UBE2E1: variants seen among roughly 807,000 people sequenced by gnomAD.
UBE2E1 encodes ubiquitin-conjugating enzyme E2 E1.
Under a neutral mutation model 21.4 loss-of-function variants are expected in UBE2E1, and 6 were observed. The observed-to-expected ratio is 0.28, with a 90% CI of 0.15 to 0.55. UBE2E1 has a LOEUF of 0.55. Ranked by LOEUF, UBE2E1 falls within the 20% of genes least tolerant of loss-of-function variation. The pLI, the probability that UBE2E1 is intolerant of heterozygous loss-of-function variation, is 0.93. For synonymous variants in UBE2E1, 87 were observed against 82.7 expected (o/e 1.05, Z -0.28); for missense variants, 142 against 236.5 (o/e 0.60, Z 2.62).
At chr3:23,864,228 C>T (rs1479705869) in intron 3 of UBE2E1, among the ~76,000 whole-genome samples, 1 of 152,118 alleles carries the variant, frequency 6.6e-6, no homozygotes, top group Non-Finnish European at 1.5e-5. Flanking sequence ...CTGAAGCCCG[C>T]TGATTTGGGG....
At position 23,835,869 on chromosome 3, in the gene UBE2E1, G is replaced by A. The variant is rs548072171; in HGVS notation, c.203+24359G>A. Reference sequence around the variant, plus strand: ...ACATAAATAATCCTCAAAATAAAAGGTTCATTTCAACACGTAATAGCTTTA... The same window carrying A: ...ACATAAATAATCCTCAAAATAAAAGATTCATTTCAACACGTAATAGCTTTA... On this transcript the variant is annotated intron_variant, in intron 3 of 5. Coordinates refer to ENST00000306627, the MANE Select transcript of UBE2E1 (RefSeq NM_003341.5). Among the ~76,000 whole-genome samples, 11 of 152,244 alleles carry A rather than the reference G, an allele frequency of 7.2e-5. 1 individual carries two copies. In the South Asian group the frequency reaches 1.9e-3, roughly 26 times the overall value.
intron 2 of UBE2E1, among the ~76,000 whole-genome samples, chr3:23,811,235 C>T (rs1410245671): frequency 6.6e-6 from 1 of 152,194 alleles, no homozygotes; most frequent in Non-Finnish European, 1.5e-5. Flanking sequence ...AGGTTGGAAG[C>T]CAAACTTTGC....
In UBE2E1 at chr3:23,842,228, TGTGTGTGTGTGTGTGTGTGTGG is replaced by T. The variant is rs1559482389; in HGVS notation, c.203+30719_203+30740del. Among the ~76,000 whole-genome samples the T allele has an allele frequency of 1.9e-4, 16 of 82,930 alleles. No homozygotes were observed. The highest frequency in any genetic ancestry group is 4.5e-4 in the South Asian group (1 of 2,220). 54.4% of individuals were successfully genotyped at this position (82,930 alleles called of 152,430 possible). ...GTGTGTGTGTGTGTGTGTGTGTGTG[TGTGTGTGTGTGTGTGTGTGTGG>T]TGTTGTTGTTGTTGGCGACAGGGTC... On this transcript the variant is annotated intron_variant, in intron 3 of 5. Transcript: ENST00000306627. The surrounding 1 kb of genome is among the most constrained non-coding windows in gnomAD (Gnocchi z 4.6).
chr3:23,827,821 G>A (rs1699790282), intron 3 of UBE2E1, among the ~76,000 whole-genome samples: 1 of 151,992 alleles, frequency 6.6e-6, no homozygotes, highest in Admixed American at 6.6e-5. Context: ...AAAATCTAAG[G>A]TCCTAACTGC....
chr3:23,825,425 G>A (rs776001594), intron 3 of UBE2E1, among the ~76,000 whole-genome samples: 1 of 152,196 alleles, frequency 6.6e-6, no homozygotes, highest in East Asian at 1.9e-4. Context: ...GCCATTTATT[G>A]TTGTGCCAGG....
In UBE2E1 at chr3:23,891,598, T is replaced by C. The variant is rs1272119928; in HGVS notation, c.*992T>C. ...GCTGTAGTAGCAAGTACATGAGAAA[T>C]GGGTTCCGTCATGGATAAATTGGTA... On this transcript the variant is annotated 3_prime_UTR_variant, in exon 6 of 6. Transcript: ENST00000306627. The C allele has an allele frequency of 6.6e-6, 1 of 152,204 alleles. No homozygotes were observed. Among genetic ancestry groups the C allele is most frequent in the African/African-American group, 2.4e-5 (1 of 41,444 alleles). 9.4% of individuals were successfully genotyped at this position (152,204 alleles called of 1,614,324 possible).
At chr3:23,813,399 G>A (rs985229346) in intron 3 of UBE2E1, among the ~76,000 whole-genome samples, 5 of 152,116 alleles carry the variant, frequency 3.3e-5, no homozygotes. Context: ...TAATGGTGCT[G>A]TCTTAATGTT....
At chr3:23,871,103 C>T (rs866345654) in intron 3 of UBE2E1, among the ~76,000 whole-genome samples, 5 of 151,856 alleles carry the variant, frequency 3.3e-5, no homozygotes, top group African/African-American at 9.7e-5. Flanking sequence ...GGCAACCATC[C>T]GATTTCTCAA....
At chr3:23,878,731 A>G (rs527881713) in intron 3 of UBE2E1, among the ~76,000 whole-genome samples, 4 of 152,334 alleles carry the variant, frequency 2.6e-5, no homozygotes, top group African/African-American at 4.8e-5. Flanking sequence ...ATGATCTGCT[A>G]CTGTCACCCA....
intron 3 of UBE2E1, among the ~76,000 whole-genome samples, chr3:23,868,140 CTG>C (rs1003789381): frequency 3.3e-5 from 5 of 152,128 alleles, no homozygotes; most frequent in African/African-American, 1.2e-4. Flanking sequence ...GTAAAAATAA[CTG>C]TGAAAACTGG....
Position 23,876,716 on chromosome 3 carries a change from C to T in UBE2E1, c.204-10851C>T, listed in dbSNP as rs956741493. On this transcript the variant is annotated intron_variant, in intron 3 of 5. Coordinates refer to ENST00000306627, the MANE Select transcript of UBE2E1 (RefSeq NM_003341.5). The surrounding 1 kb of genome is among the most constrained non-coding windows in gnomAD (Gnocchi z 4.3). ...ATTTATTACTGCAAAGAGTTGTAGA[C>T]AAGGGAGGAGGGAGCTAAATAATAT... Among the ~76,000 whole-genome samples the T allele has an allele frequency of 3.3e-5, 5 of 151,756 alleles. No individual in the cohort carries two copies. In the East Asian group the frequency reaches 9.6e-4, roughly 29 times the overall value.
rs1461019135 is a variant in UBE2E1, at chr3:23,836,871, G to A, written c.203+25361G>A. Among the ~76,000 whole-genome samples, 1 of 152,162 alleles carries A rather than the reference G, an allele frequency of 6.6e-6. No individual in the cohort carries two copies. The highest frequency in any genetic ancestry group is 1.5e-5 in the Non-Finnish European group (1 of 68,032). On this transcript the variant is annotated intron_variant, in intron 3 of 5. Transcript: ENST00000306627. The surrounding 1 kb of genome is among the most constrained non-coding windows in gnomAD (Gnocchi z 4.1). The stretch of plus-strand genomic sequence containing the variant: ...AGTTTATGTTCTCTTTGTGCTAGAT[G>A]GTGGCATCACTCATGATGAAGAAGA...
intron 3 of UBE2E1, among the ~76,000 whole-genome samples, chr3:23,821,186 T>G (rs1353814761): frequency 6.6e-6 from 1 of 152,192 alleles, no homozygotes; most frequent in East Asian, 1.9e-4. Context: ...GCAAAAGGAT[T>G]AGTACAAGTT....
chr3:23,879,031 TTGA>T (rs1345587775), intron 3 of UBE2E1: 2 of 500,828 alleles, frequency 4.0e-6, no homozygotes, highest in Non-Finnish European at 8.1e-6. Flanking sequence ...TGCCAAGGAC[TTGA>T]TGAGCTCAGT....
chr3:23,879,586 A>C, intron 3 of UBE2E1: 1 of 254,458 alleles, frequency 3.9e-6, no homozygotes, highest in South Asian at 4.9e-5. Flanking sequence ...TATAAGACTA[A>C]CCATCCTTCC....
intron 3 of UBE2E1, among the ~76,000 whole-genome samples, chr3:23,822,482 CCT>C (rs961793523): frequency 2.0e-5 from 3 of 151,724 alleles, no homozygotes; most frequent in Admixed American, 1.3e-4. Context: ...TCTGATCTCC[CCT>C]CTTTCCTCAC....
intron 3 of UBE2E1, among the ~76,000 whole-genome samples, chr3:23,843,456 T>C (rs148006172): frequency 3.0e-4 from 46 of 152,350 alleles, no homozygotes; most frequent in African/African-American, 1.0e-3. Flanking sequence ...ATAAATGTCT[T>C]AAGTCTTTGG....
intron 3 of UBE2E1, among the ~76,000 whole-genome samples, chr3:23,844,828 T>G (rs964862407): frequency 6.6e-6 from 1 of 152,156 alleles, no homozygotes; most frequent in East Asian, 1.9e-4. Flanking sequence ...GAAGACGTGC[T>G]CCAATAATAC....
At position 23,841,108 on chromosome 3, in the gene UBE2E1, AATG is replaced by A. The variant is rs1333734312; in HGVS notation, c.203+29601_203+29603del. 5.3e-5 allele frequency among the ~76,000 whole-genome samples: 8 copies of A among 152,316 alleles called. No individual in the cohort carries two copies. In the East Asian group the frequency reaches 1.5e-3, roughly 29 times the overall value. ...GCTGTTTCAGCTTTTATACATCTAT[AATG>A]ATATTATTTACTTTTAGAGATGCGG... On this transcript the variant is annotated intron_variant, in intron 3 of 5. Coordinates refer to ENST00000306627, the MANE Select transcript of UBE2E1 (RefSeq NM_003341.5).
Sources: allele counts gnomAD v4.1 joint callset (sites outside exome capture counted in the v4.1 genomes callset), GRCh38; gene constraint gnomAD v4.1.1; non-coding constraint Gnocchi (gnomAD v3.1); transcripts MANE v1.5; gene names NCBI Gene and HGNC (gene_info 2026-07-23, HGNC 2026-07-21).